Variants in IGFL4 observed in about 807,000 individuals in gnomAD.
IGFL4 encodes insulin growth factor-like family member 4.
In IGFL4, 12 loss-of-function variants were observed where a neutral mutation model predicts 15.4. That is an observed-to-expected ratio of 0.78 (90% CI 0.50 to 1.26). The LOEUF (loss-of-function observed/expected upper bound fraction) is 1.26. Among genes scored for constraint, IGFL4 ranks in the 50% most tolerant of loss-of-function variants. The pLI is 0.00. For synonymous variants in IGFL4, 54 were observed against 55.9 expected (o/e 0.97, Z 0.16); for missense variants, 126 against 147.8 (o/e 0.85, Z 0.76).
chr19:46,060,519 A>T (rs1444951226), intron 1 of IGFL4, among the ~76,000 whole-genome samples: 1 of 152,232 alleles, frequency 6.6e-6, no homozygotes, highest in African/African-American at 2.4e-5. Context: ...AGAGTCCTAT[A>T]GCTGATTACA....
chr19:46,043,311 G>A (rs961014952), upstream of IGFL4, among the ~76,000 whole-genome samples: 2 of 152,152 alleles, frequency 1.3e-5, no homozygotes, highest in Non-Finnish European at 2.9e-5. Context: ...CCTAAATATA[G>A]AGTGGTATAT....
chr19:46,045,318 C>T (rs1780566114), upstream of IGFL4, among the ~76,000 whole-genome samples: 1 of 151,928 alleles, frequency 6.6e-6, no homozygotes. Flanking sequence ...TGGCACATGC[C>T]TATAATCCCA....
At chr19:46,044,614 C>CA (rs1356677967), upstream of IGFL4, among the ~76,000 whole-genome samples, 3 of 152,218 alleles carry the variant, frequency 2.0e-5, no homozygotes, top group African/African-American at 4.8e-5. Context: ...GGGTTCCCCA[C>CA]AACACAGCAC....
chr19:46,042,818 C>A (rs1969259190), upstream of IGFL4, among the ~76,000 whole-genome samples: 1 of 152,138 alleles, frequency 6.6e-6, no homozygotes, highest in Non-Finnish European at 1.5e-5. Flanking sequence ...TCATCCCTCC[C>A]TAGAAGCCAG....
intron 1 of IGFL4, among the ~76,000 whole-genome samples, chr19:46,068,927 T>C (rs1307836327): frequency 6.6e-6 from 1 of 152,214 alleles, no homozygotes; most frequent in Non-Finnish European, 1.5e-5. Flanking sequence ...ACCAAGTGAA[T>C]ATCTTCATGC....
chr19:46,054,268 G>A (rs1314492477), intron 2 of IGFL4, among the ~76,000 whole-genome samples: 1 of 152,038 alleles, frequency 6.6e-6, no homozygotes, highest in Non-Finnish European at 1.5e-5. Flanking sequence ...GAATCATTTT[G>A]AGTTTATTTT....
intron 2 of IGFL4, among the ~76,000 whole-genome samples, chr19:46,057,357 C>T (rs1226167145): frequency 6.6e-6 from 1 of 151,894 alleles, no homozygotes. Flanking sequence ...CAAAATATAG[C>T]TGTGGTTTAT....
chr19:46,057,207 C>T (rs1155799), intron 2 of IGFL4, among the ~76,000 whole-genome samples: 151,815 of 152,256 alleles, frequency 1, 75,694 homozygotes, highest in Middle Eastern at 1. Context: ...ACTTCTTCTA[C>T]TATTTTCTTA....
chr19:46,040,666 C>G lies in IGFL4; in HGVS notation c.20-98G>C. Reference sequence around the variant, plus strand: ...TCTGAGCTTCTCTGGTTGCTGTTAACAGCTCAGAGTGGATTTTGGGACTGG... The same window carrying G: ...TCTGAGCTTCTCTGGTTGCTGTTAAGAGCTCAGAGTGGATTTTGGGACTGG... On this transcript the variant is annotated intron_variant, in intron 1 of 3. Transcript: ENST00000377697. The surrounding 1 kb of genome is among the most constrained non-coding windows in gnomAD (Gnocchi z 4.1). The G allele has an allele frequency of 7.1e-7, 1 of 1,401,636 alleles. No homozygotes were observed. The highest frequency in any genetic ancestry group is 2.4e-5 in the East Asian group (1 of 42,012). The allele number at this position is 1,401,636 out of a possible 1,614,324, so 86.8% of individuals were successfully genotyped here. A position where few individuals can be genotyped will look rare whatever the true frequency, so the allele number is the denominator to read the frequency against.
rs1969222956 is a variant in IGFL4 at position 46,040,135 on chromosome 19, T to C, written c.330+22A>G. 5 of 1,612,214 alleles carry C rather than the reference T, an allele frequency of 3.1e-6. No individual in the cohort carries two copies. Among genetic ancestry groups the C allele is most frequent in the Non-Finnish European group, 4.2e-6 (5 of 1,179,106 alleles). On this transcript the variant is annotated intron_variant, in intron 3 of 3. Coordinates refer to ENST00000377697, the MANE Select transcript of IGFL4 (RefSeq NM_001002923.3). The surrounding 1 kb of genome is among the most constrained non-coding windows in gnomAD (Gnocchi z 4.1). ...TTCCCTACTCCCCCCTCCCACAGCC[T>C]GGACTGGAGTCAGATCCTTACCTGG...
intron 1 of IGFL4, among the ~76,000 whole-genome samples, chr19:46,073,542 C>T (rs1969566333): frequency 6.6e-6 from 1 of 152,128 alleles, no homozygotes; most frequent in Non-Finnish European, 1.5e-5. Context: ...GTGATGGATG[C>T]GGTCCCGTAA....
chr19:46,050,717 G>C (rs1969337576), intron 2 of IGFL4, among the ~76,000 whole-genome samples: 1 of 152,202 alleles, frequency 6.6e-6, no homozygotes, highest in African/African-American at 2.4e-5. Flanking sequence ...GGAGGAAGAA[G>C]AGAAATCTAA....
chr19:46,054,129 A>C (rs1969372210), intron 2 of IGFL4, among the ~76,000 whole-genome samples: 1 of 151,940 alleles, frequency 6.6e-6, no homozygotes, highest in Non-Finnish European at 1.5e-5. Flanking sequence ...CCATTTATTT[A>C]TTTTTGCTTT....
upstream of IGFL4, among the ~76,000 whole-genome samples, chr19:46,041,673 G>A (rs527423536): frequency 6.6e-6 from 1 of 151,792 alleles, no homozygotes; most frequent in Non-Finnish European, 1.5e-5. Context: ...TACATGTGGC[G>A]TATTTTTAGA....
At chr19:46,042,075 C>G (rs896903391), upstream of IGFL4, among the ~76,000 whole-genome samples, 1 of 49,584 alleles carries the variant, frequency 2.0e-5, no homozygotes, top group Non-Finnish European at 3.7e-5. Context: ...CTCAAGCAAT[C>G]CACCTGCCCC....
intron 2 of IGFL4, among the ~76,000 whole-genome samples, chr19:46,055,147 G>A (rs1352756934): frequency 6.6e-6 from 1 of 152,152 alleles, no homozygotes; most frequent in African/African-American, 2.4e-5. Context: ...GTTCTGCCAG[G>A]CTCTCACCTG....
At chr19:46,065,293 C>T (rs543676340) in intron 1 of IGFL4, among the ~76,000 whole-genome samples, 3 of 143,078 alleles carry the variant, frequency 2.1e-5, no homozygotes, top group South Asian at 4.6e-4. Flanking sequence ...TGATTGTTTC[C>T]TTTGCTGTGC....
At chr19:46,042,740 T>C (rs1486181905), upstream of IGFL4, among the ~76,000 whole-genome samples, 1 of 152,142 alleles carries the variant, frequency 6.6e-6, no homozygotes, top group Non-Finnish European at 1.5e-5. Context: ...TGAACAAGAA[T>C]AATAGGATGC....
At chr19:46,045,973 C>T (rs1387887742), upstream of IGFL4, among the ~76,000 whole-genome samples, 1 of 152,092 alleles carries the variant, frequency 6.6e-6, no homozygotes, top group Non-Finnish European at 1.5e-5. Flanking sequence ...GCAGATTCTT[C>T]ATTGTCGAAA....
Sources: gnomAD v4.1 joint callset for allele counts (sites outside exome capture counted in the v4.1 genomes callset) on GRCh38, gnomAD v4.1.1 for gene constraint, Gnocchi (gnomAD v3.1) non-coding constraint, MANE v1.5 for transcripts, NCBI Gene and HGNC (gene_info 2026-07-23, HGNC 2026-07-21) for gene names.